Variants in ZNF592 observed in about 807,000 individuals in gnomAD.
ZNF592 encodes the protein zinc finger protein 592.
Under a neutral mutation model 80.3 loss-of-function variants are expected in ZNF592, and 11 were observed. That is an observed-to-expected ratio of 0.14 (90% CI 0.09 to 0.23). ZNF592 has a LOEUF of 0.23. ZNF592 is among the 10% of genes least tolerant of loss of function. ZNF592 has a pLI of 1.00. For synonymous variants in ZNF592, 646 were observed against 640.3 expected (o/e 1.01, Z -0.13); for missense variants, 1,420 against 1,633.9 (o/e 0.87, Z 2.26).
chr15:84,765,822 C>T (rs1021891084), intron 2 of ZNF592, among the ~76,000 whole-genome samples: 15 of 151,960 alleles, frequency 9.9e-5, no homozygotes, highest in African/African-American at 3.6e-4. Context: ...AGGCATGAGC[C>T]ACCGCACCCA....
intron 1 of ZNF592, among the ~76,000 whole-genome samples, chr15:84,752,598 G>C (rs1177021139): frequency 6.6e-6 from 1 of 152,192 alleles, no homozygotes; most frequent in African/African-American, 2.4e-5. Context: ...AAGCTAAGTT[G>C]GGGCTGTGAA....
intron 3 of ZNF592, among the ~76,000 whole-genome samples, chr15:84,780,710 C>T (rs918633969): frequency 1.3e-5 from 2 of 152,128 alleles, no homozygotes; most frequent in South Asian, 2.1e-4. Flanking sequence ...GTTGATCCCA[C>T]GGGGTGGTAA....
chr15:84,785,992 ACCCACC>A (rs1270150680), intron 4 of ZNF592, among the ~76,000 whole-genome samples: 2 of 152,170 alleles, frequency 1.3e-5, no homozygotes, highest in African/African-American at 4.8e-5. Flanking sequence ...ACATAGCCAG[ACCCACC>A]CCTCATGGTG....
In ZNF592 at chr15:84,802,195, G is replaced by C; in HGVS notation, c.3606G>C (p.Glu1202Asp). 6.2e-7 allele frequency: 1 copy of C among 1,601,882 alleles called. No individual in the cohort carries two copies. Among genetic ancestry groups the C allele is most frequent in the East Asian group, 2.2e-5 (1 of 44,604 alleles). Residue 1202 changes from glutamate to aspartate, a missense_variant, in exon 11 of 11, where the codon GAG becomes GAC. Coordinates refer to ENST00000560079, the MANE Select transcript of ZNF592 (RefSeq NM_014630.3). ...AEMAVEVAEP[E>D]EGSGEEVPME... ...TGGCAGTGGAGGTGGCAGAGCCAGAGGAGGGCTCCGGGGAGGAGGTGCCCA... is the reference window on the plus strand; with the variant it reads ...TGGCAGTGGAGGTGGCAGAGCCAGACGAGGGCTCCGGGGAGGAGGTGCCCA...
At chr15:84,801,021 T>C (rs1963079542) in intron 10 of ZNF592, among the ~76,000 whole-genome samples, 1 of 152,098 alleles carries the variant, frequency 6.6e-6, no homozygotes, top group African/African-American at 2.4e-5. Flanking sequence ...AAACACAGGG[T>C]GAAGAAAAGC....
chr15:84,767,886 C>CT (rs1271648810), intron 2 of ZNF592, among the ~76,000 whole-genome samples: 8 of 148,980 alleles, frequency 5.4e-5, no homozygotes, highest in African/African-American at 1.7e-4. Flanking sequence ...CTTTTCTTTT[C>CT]TTTTTTTTGA....
intron 3 of ZNF592, among the ~76,000 whole-genome samples, chr15:84,782,359 TAGG>T (rs1339239546): frequency 1.3e-5 from 2 of 152,204 alleles, no homozygotes; most frequent in Admixed American, 1.3e-4. Context: ...GGGAGTATGG[TAGG>T]AGTATACTCT....
Position 84,792,038 on chromosome 15 carries a change from G to A in ZNF592, c.2399+1155G>A, listed in dbSNP as rs74715238. Among the ~76,000 whole-genome samples the A allele has an allele frequency of 6.4e-3, 969 of 152,232 alleles. 9 individuals carry two copies. Among genetic ancestry groups the A allele is most frequent in the African/African-American group, 0.022 (917 of 41,526 alleles). On this transcript the variant is annotated intron_variant, in intron 5 of 10. Transcript: ENST00000560079. ...GGAGTGATTTGGCTAGTATATTTTA[G>A]AAAGATCATTCTGGGAAGCGAACAC...
At chr15:84,794,452 G>A (rs986046297) in intron 5 of ZNF592, among the ~76,000 whole-genome samples, 4 of 151,674 alleles carry the variant, frequency 2.6e-5, no homozygotes, top group African/African-American at 4.8e-5. Context: ...ATGGTTAACG[G>A]TGTTGATCAT....
At chr15:84,780,320 A>G (rs1476984831) in intron 3 of ZNF592, among the ~76,000 whole-genome samples, 1 of 152,206 alleles carries the variant, frequency 6.6e-6, no homozygotes, top group Non-Finnish European at 1.5e-5. Context: ...AAAGAACAAA[A>G]AAGAAATTAA....
At chr15:84,777,704 T>C (rs1233991388) in intron 2 of ZNF592, among the ~76,000 whole-genome samples, 2 of 140,094 alleles carry the variant, frequency 1.4e-5, no homozygotes, top group East Asian at 4.1e-4. Context: ...CTTTTTTTTT[T>C]TTTTTTTTTT....
At position 84,803,635 on chromosome 15, in the gene ZNF592, A is replaced by ATTT; in HGVS notation, c.*1242_*1243insTTT. On this transcript the variant is annotated 3_prime_UTR_variant, in exon 11 of 11. Transcript: ENST00000560079. ...CTTCAGTTGATTTTCAACATAAGAG[A>ATTT]ACCCCTTACTGGTAAAAAGGGAAAA... 1 of 152,236 alleles carries ATTT rather than the reference A, an allele frequency of 6.6e-6. No individual in the cohort carries two copies. The highest frequency in any genetic ancestry group is 1.5e-5 in the Non-Finnish European group (1 of 68,040). 9.4% of individuals were successfully genotyped at this position (152,236 alleles called of 1,614,324 possible). A position where few individuals can be genotyped will look rare whatever the true frequency, so the allele number is the denominator to read the frequency against.
At chr15:84,800,657 C>T (rs866501916) in intron 10 of ZNF592, among the ~76,000 whole-genome samples, 2 of 152,158 alleles carry the variant, frequency 1.3e-5, no homozygotes, top group Admixed American at 6.5e-5. Flanking sequence ...ACCTTTCATG[C>T]GTAGTAGCTG....
At chr15:84,781,056 T>C (rs1259507991) in intron 3 of ZNF592, among the ~76,000 whole-genome samples, 3 of 152,156 alleles carry the variant, frequency 2.0e-5, no homozygotes, top group Admixed American at 2.0e-4. Flanking sequence ...TTTATTTATT[T>C]ATTTATTTTG....
In ZNF592 at chr15:84,778,232, C is replaced by T; in HGVS notation, c.-100C>T. ...AGGAAGGGAGAAGACAGAAGGAAGA[C>T]GCTCCCCCGTACGGAGACAGAGGGA... is the stretch of plus-strand genomic sequence containing the variant. On this transcript the variant is annotated 5_prime_UTR_variant, in exon 3 of 11. In the 5' UTR this introduces an upstream ATG that the reference lacks. Coordinates refer to ENST00000560079, the MANE Select transcript of ZNF592 (RefSeq NM_014630.3). The T allele has an allele frequency of 4.8e-6, 1 of 208,906 alleles. No homozygotes were observed. The highest frequency in any genetic ancestry group is 9.6e-6 in the Non-Finnish European group (1 of 104,388). 12.9% of individuals were successfully genotyped at this position (208,906 alleles called of 1,614,324 possible). A position where few individuals can be genotyped will look rare whatever the true frequency, so the allele number is the denominator to read the frequency against.
chr15:84,786,225 G>A (rs1428363923), intron 4 of ZNF592, among the ~76,000 whole-genome samples: 1 of 152,232 alleles, frequency 6.6e-6, no homozygotes, highest in East Asian at 1.9e-4. Context: ...AGCAAGGGCA[G>A]TGGTCACCAC....
intron 1 of ZNF592, among the ~76,000 whole-genome samples, chr15:84,754,992 G>T (rs1217821708): frequency 1.5e-5 from 2 of 136,654 alleles, no homozygotes; most frequent in African/African-American, 2.7e-5. Flanking sequence ...TCATGGCAGA[G>T]TGTCACTCTG....
At chr15:84,792,475 C>T (rs1443551055) in intron 5 of ZNF592, among the ~76,000 whole-genome samples, 1 of 152,136 alleles carries the variant, frequency 6.6e-6, no homozygotes, top group Non-Finnish European at 1.5e-5. Context: ...TTTTTTGAGA[C>T]AGTGTCTCAC....
Position 84,790,098 on chromosome 15 carries a change from A to AACCCCC in ZNF592, c.2221-600_2221-595dup, listed in dbSNP as rs1491495677. Among the ~76,000 whole-genome samples, 5 of 7,332 alleles carry AACCCCC rather than the reference A, an allele frequency of 6.8e-4. No individual in the cohort carries two copies. In the East Asian group the frequency reaches 0.025, roughly 36 times the overall value. 4.8% of individuals were successfully genotyped at this position (7,332 alleles called of 152,430 possible). On this transcript the variant is annotated intron_variant, in intron 4 of 10. Transcript: ENST00000560079. ...ACCCCCGCCACCCATCCCACCCCCC[A>AACCCCC]ACCCCCACCCCCGCAACTCTCCTAA...
Sources: gnomAD v4.1 joint callset for allele counts (sites outside exome capture counted in the v4.1 genomes callset) on GRCh38, gnomAD v4.1.1 for gene constraint, MANE v1.5 for transcripts, NCBI Gene and HGNC (gene_info 2026-07-23, HGNC 2026-07-21) for gene names.